The following TUBA1C variants were observed in gnomAD, a reference collection of about 807,000 sequenced individuals.
TUBA1C encodes the protein tubulin alpha 1c.
Under a neutral mutation model 34.9 loss-of-function variants are expected in TUBA1C, and 16 were observed. The ratio of observed to expected loss-of-function variants is 0.46; its 90% CI spans 0.31 to 0.70. The LOEUF (loss-of-function observed/expected upper bound fraction) is 0.70. TUBA1C is among the 30% of genes least tolerant of loss of function. The pLI, the probability that TUBA1C is intolerant of heterozygous loss-of-function variation, is 0.05. For synonymous variants in TUBA1C, 177 were observed against 215.9 expected (o/e 0.82, Z 1.58); for missense variants, 329 against 587.3 (o/e 0.56, Z 4.55).
At chr12:49,257,121 A>G (rs1942792177) in intron 1 of TUBA1C, among the ~76,000 whole-genome samples, 1 of 149,798 alleles carries the variant, frequency 6.7e-6, no homozygotes, top group Non-Finnish European at 1.5e-5. Flanking sequence ...CAGAGGTTGC[A>G]GTGAGTCCAG....
rs1943005487 is a variant in TUBA1C at position 49,272,498 on chromosome 12, G to A, written c.621G>A (p.Glu207=). 12 of 1,609,886 alleles carry A rather than the reference G, an allele frequency of 7.5e-6. No individual in the cohort carries two copies. The highest frequency in any genetic ancestry group is 1.0e-5 in the Non-Finnish European group (12 of 1,178,272). ...HSDCAFMVDN[E]AIYDICRRNL... Reference sequence around the variant, plus strand: ...ATTGTGCCTTCATGGTAGACAATGAGGCCATCTATGACATCTGTCGTAGAA... The same window carrying A: ...ATTGTGCCTTCATGGTAGACAATGAAGCCATCTATGACATCTGTCGTAGAA... Residue 207 remains glutamate (E), a synonymous_variant, in exon 4 of 4, where the codon GAG becomes GAA. Transcript: ENST00000301072.
intron 1 of TUBA1C, among the ~76,000 whole-genome samples, chr12:49,259,849 G>GT (rs1942825098): frequency 6.6e-6 from 1 of 152,198 alleles, no homozygotes; most frequent in Non-Finnish European, 1.5e-5. Context: ...ATGGCTGGCT[G>GT]TGTGTCCTGG....
chr12:49,268,097 GACACAC>G (rs367819252), intron 1 of TUBA1C, among the ~76,000 whole-genome samples: 11 of 151,878 alleles, frequency 7.2e-5, no homozygotes, highest in South Asian at 2.1e-4. Flanking sequence ...ATGAGAGAGA[GACACAC>G]ACACACAGAC....
intron 1 of TUBA1C, among the ~76,000 whole-genome samples, chr12:49,244,229 C>T (rs550667721): frequency 6.6e-6 from 1 of 152,138 alleles, no homozygotes; most frequent in Admixed American, 6.6e-5. Flanking sequence ...CAGCAAGGCC[C>T]TAAATGGGGC....
At chr12:49,245,227 T>TA (rs34169344) in intron 1 of TUBA1C, among the ~76,000 whole-genome samples, 2,162 of 152,034 alleles carry the variant, frequency 0.014, 55 homozygotes, top group African/African-American at 0.049. Context: ...ATTCTTTCCC[T>TA]AAAAAAAATT....
At chr12:49,239,055 C>T (rs747221196) in intron 1 of TUBA1C, among the ~76,000 whole-genome samples, 1 of 152,218 alleles carries the variant, frequency 6.6e-6, no homozygotes, top group Non-Finnish European at 1.5e-5. Flanking sequence ...GGGAATGTGG[C>T]TGGTTCCCCT....
At chr12:49,262,057 C>G (rs1942845030), upstream of TUBA1C, among the ~76,000 whole-genome samples, 2 of 152,068 alleles carry the variant, frequency 1.3e-5, no homozygotes, top group African/African-American at 4.8e-5. Flanking sequence ...ACAGAGGATC[C>G]TGTCCAATCT....
At chr12:49,253,412 T>C (rs1942750823) in intron 1 of TUBA1C, among the ~76,000 whole-genome samples, 1 of 152,148 alleles carries the variant, frequency 6.6e-6, no homozygotes, top group Admixed American at 6.6e-5. Flanking sequence ...TGTCAATGTC[T>C]TGTAAGTCCC....
chr12:49,234,533 C>T (rs568748632), intron 1 of TUBA1C, among the ~76,000 whole-genome samples: 74 of 152,326 alleles, frequency 4.9e-4, no homozygotes, highest in African/African-American at 1.7e-3. Context: ...GGGCCTGGGC[C>T]TGGGCTCGGG....
chr12:49,262,695 G>C (rs1942852997), upstream of TUBA1C, among the ~76,000 whole-genome samples: 1 of 152,030 alleles, frequency 6.6e-6, no homozygotes, highest in African/African-American at 2.4e-5. Context: ...CAGGAGAATT[G>C]CTTGAACCTG....
intron 1 of TUBA1C, among the ~76,000 whole-genome samples, chr12:49,243,741 TGGAAAA>T (rs1290685616): frequency 6.6e-6 from 1 of 152,030 alleles, no homozygotes; most frequent in African/African-American, 2.4e-5. Context: ...AAGGGGAGGC[TGGAAAA>T]GAAAAATCAG....
chr12:49,231,238 C>T (rs564353685), intron 1 of TUBA1C, among the ~76,000 whole-genome samples: 28 of 152,298 alleles, frequency 1.8e-4, no homozygotes, highest in Non-Finnish European at 2.5e-4. Flanking sequence ...AATTATAGCT[C>T]ACTACAGCCT....
At chr12:49,234,257 C>G (rs957622942) in intron 1 of TUBA1C, 3 of 152,224 alleles carry the variant, frequency 2.0e-5, no homozygotes, top group African/African-American at 7.2e-5. Context: ...TTGTAAATCC[C>G]ATTAAAGCAG....
Position 49,245,329 on chromosome 12 carries a change from G to A in TUBA1C, c.213+17163G>A, listed in dbSNP as rs149261826. ...AATAATCTGAGAAACAGCCAGGCAC[G>A]GTGGCTCACACCTGTAATCCCAGCA... is the stretch of plus-strand genomic sequence containing the variant. On this transcript the variant is annotated intron_variant, in intron 1 of 3. Coordinates refer to the TUBA1C transcript ENST00000541364. Among the ~76,000 whole-genome samples, 1,040 of 152,270 alleles carry A rather than the reference G, an allele frequency of 6.8e-3. 8 individuals carry two copies. Among genetic ancestry groups the A allele is most frequent in the Non-Finnish European group, 0.01 (711 of 68,020 alleles).
intron 1 of TUBA1C, among the ~76,000 whole-genome samples, chr12:49,229,274 A>C (rs942097883): frequency 6.6e-6 from 1 of 152,134 alleles, no homozygotes; most frequent in African/African-American, 2.4e-5. Context: ...CCTGGGTTCA[A>C]GCAATTCTTT....
At chr12:49,263,327 T>G (rs1318194748), upstream of TUBA1C, among the ~76,000 whole-genome samples, 1 of 152,076 alleles carries the variant, frequency 6.6e-6, no homozygotes, top group Non-Finnish European at 1.5e-5. Flanking sequence ...GTTGGTTGTT[T>G]TTCTTCCCTA....
chr12:49,247,446 A>C (rs1441685696), intron 1 of TUBA1C, among the ~76,000 whole-genome samples: 1 of 145,494 alleles, frequency 6.9e-6, no homozygotes, highest in African/African-American at 2.4e-5. Flanking sequence ...AATCCCAGCT[A>C]CTCAGGAGGC....
Position 49,273,402 on chromosome 12 carries a change from T to C in TUBA1C, c.*175T>C. On this transcript the variant is annotated 3_prime_UTR_variant, in exon 4 of 4. Transcript: ENST00000301072. ...TATGAGGCTGGTAGATGAAACCACC[T>C]GAGTCGAGGGTCTTGCTCTGTCACC... 2 of 1,183,100 alleles carry C rather than the reference T, an allele frequency of 1.7e-6. No homozygotes were observed. Among genetic ancestry groups the C allele is most frequent in the Non-Finnish European group, 2.4e-6 (2 of 839,430 alleles). The allele number at this position is 1,183,100 out of a possible 1,614,324, so 73.3% of individuals were successfully genotyped here.
At chr12:49,268,827 C>T (rs1942950399) in intron 1 of TUBA1C, among the ~76,000 whole-genome samples, 1 of 151,880 alleles carries the variant, frequency 6.6e-6, no homozygotes, top group Non-Finnish European at 1.5e-5. Context: ...TAAAGCGGGA[C>T]CAGAATGAGC....
Sources: gnomAD v4.1 joint callset for allele counts (sites outside exome capture counted in the v4.1 genomes callset) on GRCh38, gnomAD v4.1.1 for gene constraint, MANE v1.5 for transcripts, NCBI Gene and HGNC (gene_info 2026-07-23, HGNC 2026-07-21) for gene names.